Variants in SDAD1 observed in about 807,000 individuals in gnomAD.
The protein encoded by SDAD1 is SDA1 domain containing 1.
In SDAD1, 79 loss-of-function variants were observed where a neutral mutation model predicts 100.3. That is an observed-to-expected ratio of 0.79 (90% CI 0.66 to 0.95). The LOEUF (loss-of-function observed/expected upper bound fraction) is 0.95. Ranked by LOEUF, SDAD1 falls within the 40% of genes least tolerant of loss-of-function variation. The probability of loss-of-function intolerance (pLI) is 0.00; values close to 1 mark genes in which losing one functional copy is unlikely to be tolerated. For missense variants in SDAD1, 790 were observed against 810.9 expected (o/e 0.97, Z 0.31); for synonymous variants, 267 against 271.4 (o/e 0.98, Z 0.16).
chr4:75,961,009 A>C lies in SDAD1; in HGVS notation c.1356+19T>G, dbSNP rs145396500. 2.0e-5 allele frequency: 32 copies of C among 1,607,720 alleles called. No individual in the cohort carries two copies. Among genetic ancestry groups the C allele is most frequent in the Non-Finnish European group, 2.6e-5 (30 of 1,175,222 alleles). ...GTGAGACCATAACCTTTAGACCAAC[A>C]TAAGTGTGCTTTACCTACCCGGAAT... On this transcript the variant is annotated intron_variant, in intron 16 of 21. Coordinates refer to ENST00000356260, the MANE Select transcript of SDAD1 (RefSeq NM_018115.4).
intron 21 of SDAD1, among the ~76,000 whole-genome samples, chr4:75,955,269 C>T (rs1728824775): frequency 6.6e-6 from 1 of 152,172 alleles, no homozygotes; most frequent in Non-Finnish European, 1.5e-5. Context: ...TAACCTACGC[C>T]CACTCTCACT....
chr4:75,956,266 T>A (rs1347980738), intron 20 of SDAD1, 130 bp from the exon 21 acceptor site: 1 of 928,894 alleles, frequency 1.1e-6, no homozygotes, highest in Non-Finnish European at 1.6e-6. Context: ...CAGGACACAG[T>A]CTTTGCTCCT....
chr4:75,969,046 A>AG (rs1188056584), intron 11 of SDAD1, among the ~76,000 whole-genome samples: 1 of 151,528 alleles, frequency 6.6e-6, no homozygotes, highest in African/African-American at 2.4e-5. Flanking sequence ...AAAAAAAAAA[A>AG]AAAAAAAAAG....
chr4:75,954,299 G>A (rs944895172), intron 21 of SDAD1, among the ~76,000 whole-genome samples: 6 of 151,532 alleles, frequency 4.0e-5, no homozygotes, highest in East Asian at 3.9e-4. Flanking sequence ...GGAGAATGCC[G>A]TGAACCCGGG....
At position 75,983,209 on chromosome 4, in the gene SDAD1, T is replaced by C. The variant is rs1730653507; in HGVS notation, c.91-1172A>G. ...GTCTATCATTGATGGGCATTTGGGT[T>C]GGTTCAAAGTCTTTGCTATTGTGAA... On this transcript the variant is annotated intron_variant, in intron 1 of 21. Coordinates refer to ENST00000356260, the MANE Select transcript of SDAD1 (RefSeq NM_018115.4). Among the ~76,000 whole-genome samples the C allele has an allele frequency of 2.6e-5, 4 of 152,224 alleles. No individual in the cohort carries two copies. The South Asian group carries it at 8.3e-4, about 31-fold the overall frequency.
chr4:75,969,016 GGGAGAC>G (rs1381768349), intron 11 of SDAD1, among the ~76,000 whole-genome samples: 1 of 119,024 alleles, frequency 8.4e-6, no homozygotes, highest in Non-Finnish European at 1.6e-5. Flanking sequence ...GGGCAATAGA[GGGAGAC>G]TCTGTCTCAA....
chr4:75,985,958 A>G (rs1015118289), intron 1 of SDAD1, among the ~76,000 whole-genome samples: 5 of 152,146 alleles, frequency 3.3e-5, no homozygotes, highest in African/African-American at 4.8e-5. Context: ...ATCAATCATT[A>G]TAATCACCTC....
chr4:75,968,481 T>C (rs1729678157), intron 11 of SDAD1, among the ~76,000 whole-genome samples: 1 of 152,186 alleles, frequency 6.6e-6, no homozygotes, highest in African/African-American at 2.4e-5. Flanking sequence ...TCTTCATGGC[T>C]TAAATTTCTG....
intron 17 of SDAD1, among the ~76,000 whole-genome samples, chr4:75,959,306 G>A (rs1329384249): frequency 6.6e-6 from 1 of 151,170 alleles, no homozygotes; most frequent in African/African-American, 2.4e-5. Context: ...ATGCTTAAGA[G>A]GGCTTTGATC....
At chr4:75,976,046 A>G (rs1730143414) in intron 4 of SDAD1, 51 bp from the exon 5 acceptor site, 1 of 1,186,414 alleles carries the variant, frequency 8.4e-7, no homozygotes, top group African/African-American at 1.5e-5. Context: ...AACATTTTTA[A>G]CCTTGCTAAA....
At chr4:75,959,858 T>A (rs1348573450) in intron 17 of SDAD1, among the ~76,000 whole-genome samples, 1 of 152,178 alleles carries the variant, frequency 6.6e-6, no homozygotes, top group African/African-American at 2.4e-5. Flanking sequence ...CCGAAGGTCA[T>A]GAAAAGGCAT....
chr4:75,960,152 T>C lies in SDAD1; in HGVS notation c.1397A>G (p.Glu466Gly), dbSNP rs765778003. ...ATCTTTAGCATCTAATTCTCCATAT[T>C]CTTGTACTCTTGCTTCTATGGAGGC... ...TEASIEARVQ[E>G]YGELDAKDYI... The change falls in exon 17 of 22, where the codon GAA (glutamate) becomes GGA (glycine). Residue 466 changes from glutamate (E) to glycine (G), a missense_variant. Glu to Gly is a moderately conservative substitution (Grantham distance 98). Coordinates refer to ENST00000356260, the MANE Select transcript of SDAD1 (RefSeq NM_018115.4). 13 of 1,610,680 alleles carry C rather than the reference T, an allele frequency of 8.1e-6. No individual in the cohort carries two copies. The highest frequency in any genetic ancestry group is 1.8e-4 in the Middle Eastern group (1 of 5,560).
chr4:75,965,733 T>C, intron 13 of SDAD1, 31 bp downstream of exon 13: 1 of 1,590,160 alleles, frequency 6.3e-7, no homozygotes, highest in South Asian at 1.1e-5. Context: ...ATCCATGCCC[T>C]AGGTCCAGAA....
intron 3 of SDAD1, among the ~76,000 whole-genome samples, chr4:75,978,222 T>C (rs556552711): frequency 2.1e-5 from 3 of 144,232 alleles, no homozygotes; most frequent in African/African-American, 7.7e-5. Context: ...AGTTGTTGCA[T>C]GCCTGCCCCC....
At chr4:75,981,737 G>C (rs1385338139) in intron 2 of SDAD1, among the ~76,000 whole-genome samples, 196 bp downstream of exon 2, 1 of 152,118 alleles carries the variant, frequency 6.6e-6, no homozygotes, top group Non-Finnish European at 1.5e-5. Flanking sequence ...TTTTGTCCTG[G>C]TTAGTTATGC....
intron 4 of SDAD1, 125 bp downstream of exon 4, chr4:75,977,521 A>G (rs1043044249): frequency 4.3e-6 from 3 of 702,580 alleles, no homozygotes; most frequent in African/African-American, 1.8e-5. Flanking sequence ...TATAGCATGC[A>G]CACAATGGTT....
intron 14 of SDAD1, 45 bp from the exon 15 acceptor site, chr4:75,961,353 T>C (rs555986297): frequency 7.2e-7 from 1 of 1,391,250 alleles, no homozygotes; most frequent in African/African-American, 1.4e-5. Flanking sequence ...AATAGCAATT[T>C]TTTCATGATT....
At chr4:75,988,240 A>C (rs1486093877) in intron 1 of SDAD1, among the ~76,000 whole-genome samples, 2 of 152,196 alleles carry the variant, frequency 1.3e-5, no homozygotes, top group Non-Finnish European at 2.9e-5. Context: ...TCTTCTGCTC[A>C]AAACCCTGTA....
At chr4:75,967,532 C>T (rs140991482) in intron 11 of SDAD1, among the ~76,000 whole-genome samples, 198 bp from the exon 12 acceptor site, 1 of 152,164 alleles carries the variant, frequency 6.6e-6, no homozygotes, top group African/African-American at 2.4e-5. Context: ...GGCTATGCTG[C>T]TATCCTTATT....
Sources: allele counts gnomAD v4.1 joint callset (sites outside exome capture counted in the v4.1 genomes callset), GRCh38; gene constraint gnomAD v4.1.1; transcripts MANE v1.5; gene names NCBI Gene and HGNC (gene_info 2026-07-23, HGNC 2026-07-21).